UBR1: variants seen among roughly 807,000 people sequenced by gnomAD.
UBR1 encodes ubiquitin protein ligase E3 component n-recognin 1, also known as E3 ubiquitin-protein ligase UBR1.
In UBR1, 102 loss-of-function variants were observed where a neutral mutation model predicts 242.1. That is an observed-to-expected ratio of 0.42 (90% CI 0.36 to 0.50). The LOEUF is 0.50. Ranked by LOEUF, UBR1 falls within the 20% of genes least tolerant of loss-of-function variation. The pLI, the probability that UBR1 is intolerant of heterozygous loss-of-function variation, is 0.01. For synonymous variants in UBR1, 675 were observed against 684.8 expected (o/e 0.99, Z 0.22); for missense variants, 1,772 against 2,101.8 (o/e 0.84, Z 3.07).
chr15:43,033,320 G>A (rs2033282143), intron 19 of UBR1, among the ~76,000 whole-genome samples: 1 of 152,050 alleles, frequency 6.6e-6, no homozygotes, highest in African/African-American at 2.4e-5. Context: ...AGACCAGCCT[G>A]ACCAACATGG....
chr15:43,017,074 A>T, intron 28 of UBR1, 21 bp downstream of exon 28: 2 of 1,576,416 alleles, frequency 1.3e-6, no homozygotes, highest in Non-Finnish European at 1.7e-6. Flanking sequence ...CCATTACTAC[A>T]GTGTTATTAC....
chr15:43,066,135 A>G (rs913103468), intron 6 of UBR1, among the ~76,000 whole-genome samples: 1 of 152,180 alleles, frequency 6.6e-6, no homozygotes, highest in South Asian at 2.1e-4. Flanking sequence ...TCTTGAGTTA[A>G]TTTTTGTATA....
chr15:43,040,180 G>A (rs2033397465), intron 15 of UBR1, among the ~76,000 whole-genome samples: 1 of 152,142 alleles, frequency 6.6e-6, no homozygotes, highest in Non-Finnish European at 1.5e-5. Flanking sequence ...GAGGCATCAT[G>A]CTACCTGACT....
chr15:42,957,886 C>CA (rs1273127571), intron 44 of UBR1, 127 bp downstream of exon 44: 16 of 848,102 alleles, frequency 1.9e-5, no homozygotes, highest in Admixed American at 4.7e-5. Context: ...CAAACAAAAA[C>CA]AAAAAAACCC....
chr15:43,015,505 C>CGGCCTT (rs1176976722), intron 29 of UBR1, among the ~76,000 whole-genome samples, 183 bp downstream of exon 29: 1 of 152,266 alleles, frequency 6.6e-6, no homozygotes, highest in East Asian at 1.9e-4. Flanking sequence ...ACAAACACTG[C>CGGCCTT]GGAAGGCCGC....
intron 35 of UBR1, among the ~76,000 whole-genome samples, chr15:42,985,989 CAAAAAAAAAAA>C (rs1230190123): frequency 1.5e-4 from 7 of 47,068 alleles, no homozygotes; most frequent in Non-Finnish European, 2.7e-4. Flanking sequence ...GACCCTGTCT[CAAAAAAAAAAA>C]AAAAAAAAAA....
intron 1 of UBR1, among the ~76,000 whole-genome samples, chr15:43,096,679 A>T (rs925842478): frequency 3.9e-5 from 6 of 152,240 alleles, no homozygotes; most frequent in Non-Finnish European, 7.3e-5. Context: ...CAGCATCTTC[A>T]CCAAAAGTAG....
intron 18 of UBR1, 63 bp downstream of exon 18, chr15:43,036,462 TCTC>T: frequency 7.6e-7 from 1 of 1,319,280 alleles, no homozygotes; most frequent in Non-Finnish European, 1.1e-6. Context: ...CATTATCTTC[TCTC>T]CTTAGAAAGA....
chr15:42,989,315 T>A (rs936545459), intron 34 of UBR1, among the ~76,000 whole-genome samples: 1 of 152,174 alleles, frequency 6.6e-6, no homozygotes, highest in Admixed American at 6.5e-5. Flanking sequence ...GAGGAACAGA[T>A]CTAACCTAAC....
At chr15:43,105,899 GGA>G (rs2141376888) in intron 1 of UBR1, 41 bp downstream of exon 1, 1 of 1,590,436 alleles carries the variant, frequency 6.3e-7, no homozygotes, top group Non-Finnish European at 8.6e-7. Context: ...CAGTAGGGAG[GGA>G]CCGGGGGGAG....
intron 3 of UBR1, among the ~76,000 whole-genome samples, chr15:43,076,632 CGCCCCGTCTGAGA>C (rs2033900809): frequency 6.7e-6 from 1 of 148,874 alleles, no homozygotes; most frequent in African/African-American, 2.5e-5. Flanking sequence ...TCTGCCCGGC[CGCCCCGTCTGAGA>C]AGTGAGGAAA....
chr15:43,032,744 C>A, intron 19 of UBR1, 113 bp from the exon 20 acceptor site: 1 of 671,056 alleles, frequency 1.5e-6, no homozygotes, highest in Non-Finnish European at 2.6e-6. Context: ...TCATCCAGTC[C>A]AGTATTTTTT....
intron 4 of UBR1, among the ~76,000 whole-genome samples, chr15:43,073,735 C>T (rs1457447111): frequency 6.6e-6 from 1 of 152,112 alleles, no homozygotes; most frequent in Non-Finnish European, 1.5e-5. Context: ...TTTGATGCTT[C>T]AATTATCCAA....
chr15:42,968,697 G>T (rs1306815079), intron 40 of UBR1, among the ~76,000 whole-genome samples: 2 of 151,992 alleles, frequency 1.3e-5, no homozygotes, highest in African/African-American at 4.8e-5. Flanking sequence ...ACAGGCCCTG[G>T]TGTGTGATGT....
chr15:42,942,901 T>C lies in UBR1; in HGVS notation c.*2428A>G, dbSNP rs917090879. On this transcript the variant is annotated 3_prime_UTR_variant, in exon 47 of 47. Transcript: ENST00000290650. ...CCCAAACATGAGAAGTCCCTATTTT[T>C]CTTTTTAAATATACACATATATTTT... is the stretch of plus-strand genomic sequence containing the variant. 3 of 152,618 alleles carry C rather than the reference T, an allele frequency of 2.0e-5. No individual in the cohort carries two copies. The highest frequency in any genetic ancestry group is 7.2e-5 in the African/African-American group (3 of 41,460). The allele number at this position is 152,618 out of a possible 1,614,324, so 9.5% of individuals were successfully genotyped here.
chr15:43,024,829 C>T lies in UBR1; in HGVS notation c.2739G>A (p.Met913Ile). The T allele has an allele frequency of 6.2e-7, 1 of 1,614,100 alleles. No homozygotes were observed. The highest frequency in any genetic ancestry group is 8.5e-7 in the Non-Finnish European group (1 of 1,180,008). The change falls in exon 25 of 47, where the codon ATG becomes ATA. Residue 913 changes from methionine to isoleucine, a missense_variant and splice_region_variant. Coordinates refer to ENST00000290650, the MANE Select transcript of UBR1 (RefSeq NM_174916.3). ...SNLWTEGMLQ[M>I]AFHILALGLL... The stretch of plus-strand genomic sequence containing the variant: ...GAGAAAATATTTCAGGTAAACAAAC[C>T]ATTTGGAGCATCCCTTCGGTCCACA...
chr15:43,063,380 G>A (rs1486041971), intron 6 of UBR1, among the ~76,000 whole-genome samples: 1 of 152,156 alleles, frequency 6.6e-6, no homozygotes, highest in Non-Finnish European at 1.5e-5. Flanking sequence ...TTATCCTACT[G>A]GTATGTGTTT....
intron 6 of UBR1, among the ~76,000 whole-genome samples, chr15:43,065,785 G>A (rs1251919297): frequency 6.6e-6 from 1 of 151,988 alleles, no homozygotes; most frequent in Non-Finnish European, 1.5e-5. Flanking sequence ...AGAAGTGTCT[G>A]TTCATGTCTT....
intron 1 of UBR1, among the ~76,000 whole-genome samples, chr15:43,103,223 C>T (rs529706335): frequency 2.0e-5 from 3 of 152,202 alleles, no homozygotes; most frequent in South Asian, 4.2e-4. Flanking sequence ...AAAATTAACT[C>T]GGCATGGTGG....
Sources: gnomAD v4.1 joint callset for allele counts (sites outside exome capture counted in the v4.1 genomes callset) on GRCh38, gnomAD v4.1.1 for gene constraint, MANE v1.5 for transcripts, NCBI Gene and HGNC (gene_info 2026-07-23, HGNC 2026-07-21) for gene names.